Variants in TRAPPC9 observed in about 807,000 individuals in gnomAD.
TRAPPC9 encodes the protein trafficking protein particle complex subunit 9, also known as IKK2 binding protein.
Under a neutral mutation model 124.0 loss-of-function variants are expected in TRAPPC9, and 83 were observed. The observed-to-expected ratio is 0.67, with a 90% CI of 0.56 to 0.80. The LOEUF is 0.80. Among genes scored for constraint, TRAPPC9 ranks in the 30% least tolerant of loss-of-function variants. TRAPPC9 has a pLI of 0.00. For missense variants in TRAPPC9, 1,302 were observed against 1,508.3 expected, an observed-to-expected ratio of 0.86 and a Z score of 2.27; for synonymous variants, 638 against 617.5, an observed-to-expected ratio of 1.03 and a Z score of -0.49.
At chr8:140,264,636 A>C (rs1004408606) in intron 15 of TRAPPC9, among the ~76,000 whole-genome samples, 1 of 114,880 alleles carries the variant, frequency 8.7e-6, no homozygotes, top group Non-Finnish European at 1.8e-5. Context: ...GCGGAGGGGG[A>C]GGGCAGGGGA....
At chr8:140,200,050 T>G (rs2062752119) in intron 17 of TRAPPC9, among the ~76,000 whole-genome samples, 1 of 152,178 alleles carries the variant, frequency 6.6e-6, no homozygotes, top group African/African-American at 2.4e-5. Flanking sequence ...GAAAGTGCTT[T>G]ACATGCACAC....
At chr8:140,139,909 T>A (rs533269205) in intron 17 of TRAPPC9, among the ~76,000 whole-genome samples, 2 of 152,202 alleles carry the variant, frequency 1.3e-5, no homozygotes, top group Non-Finnish European at 2.9e-5. Context: ...TGTCACCTTA[T>A]GATGTGTGCA....
At chr8:140,433,479 A>G (rs989116342) in intron 4 of TRAPPC9, among the ~76,000 whole-genome samples, 5 of 152,008 alleles carry the variant, frequency 3.3e-5, no homozygotes, top group African/African-American at 1.2e-4. Context: ...AATCCCAGCT[A>G]CTCGGGAGGC....
chr8:139,866,519 C>T (rs1307188921), intron 21 of TRAPPC9, among the ~76,000 whole-genome samples: 4 of 152,036 alleles, frequency 2.6e-5, no homozygotes, highest in Admixed American at 1.3e-4. Context: ...CTTGGTGACC[C>T]GTTGAGAGCC....
intron 19 of TRAPPC9, among the ~76,000 whole-genome samples, chr8:139,936,673 C>A (rs552884328): frequency 6.6e-6 from 1 of 151,670 alleles, no homozygotes; most frequent in African/African-American, 2.4e-5. Context: ...GGGGAGCGGG[C>A]ACCACAGTGT....
At chr8:139,890,166 G>A (rs1054357662) in intron 20 of TRAPPC9, among the ~76,000 whole-genome samples, 5 of 152,256 alleles carry the variant, frequency 3.3e-5, no homozygotes, top group South Asian at 4.1e-4. Context: ...GCCAGCACAC[G>A]TGGAACCCAG....
chr8:140,251,745 G>T (rs956460071), intron 16 of TRAPPC9, among the ~76,000 whole-genome samples: 1 of 152,130 alleles, frequency 6.6e-6, no homozygotes, highest in African/African-American at 2.4e-5. Flanking sequence ...GAGTGCCCTT[G>T]TAAGAAGGGG....
intron 21 of TRAPPC9, among the ~76,000 whole-genome samples, chr8:139,780,048 T>C (rs1821689548): frequency 6.6e-6 from 1 of 152,178 alleles, no homozygotes; most frequent in Non-Finnish European, 1.5e-5. Flanking sequence ...CTATTCTATG[T>C]TCATGGGTAG....
chr8:139,884,418 A>C (rs1367337896), intron 21 of TRAPPC9, among the ~76,000 whole-genome samples: 1 of 152,122 alleles, frequency 6.6e-6, no homozygotes, highest in Admixed American at 6.5e-5. Flanking sequence ...CCTGCTGCCC[A>C]CTTCCCCACC....
chr8:140,071,004 C>A (rs1406148274), intron 17 of TRAPPC9, among the ~76,000 whole-genome samples: 1 of 152,218 alleles, frequency 6.6e-6, no homozygotes, highest in Non-Finnish European at 1.5e-5. Flanking sequence ...GCAGGACCAC[C>A]AAGCGTTAGT....
intron 9 of TRAPPC9, among the ~76,000 whole-genome samples, chr8:140,317,553 T>C (rs1449655479): frequency 6.6e-6 from 1 of 152,222 alleles, no homozygotes. Context: ...TGGATTCTCA[T>C]GGTCTCTGAA....
At chr8:140,442,471 C>T (rs1238042549) in intron 2 of TRAPPC9, among the ~76,000 whole-genome samples, 5 of 151,380 alleles carry the variant, frequency 3.3e-5, no homozygotes, top group Non-Finnish European at 4.4e-5. Context: ...TGGTGGCAGG[C>T]GCCGTAGTCC....
intron 19 of TRAPPC9, chr8:139,914,056 G>T (rs1004637153): frequency 6.6e-6 from 1 of 152,374 alleles, no homozygotes; most frequent in African/African-American, 2.4e-5. Flanking sequence ...CAAGGCCTGC[G>T]TGATGGAAGG....
intron 21 of TRAPPC9, among the ~76,000 whole-genome samples, chr8:139,739,191 A>G (rs190585343): frequency 6.6e-6 from 1 of 151,672 alleles, no homozygotes; most frequent in Non-Finnish European, 1.5e-5. Context: ...GAGTGGCTCC[A>G]CCACCGGCAG....
intron 17 of TRAPPC9, among the ~76,000 whole-genome samples, chr8:140,183,678 T>C (rs1342735608): frequency 6.6e-6 from 1 of 151,362 alleles, no homozygotes; most frequent in African/African-American, 2.4e-5. Flanking sequence ...GGCCAAATGG[T>C]GAAACGTCTC....
At position 140,092,222 on chromosome 8, in the gene TRAPPC9, C is replaced by T. The variant is rs149801070; in HGVS notation, c.2557-68143G>A. Among the ~76,000 whole-genome samples, 23 of 132,036 alleles carry T rather than the reference C, an allele frequency of 1.7e-4. No individual in the cohort carries two copies. The East Asian group carries it at 4.0e-3, about 23-fold the overall frequency. The allele number at this position is 132,036 out of a possible 152,430, so 86.6% of individuals were successfully genotyped here. On this transcript the variant is annotated intron_variant, in intron 17 of 22. Coordinates refer to ENST00000438773, the MANE Select transcript of TRAPPC9 (RefSeq NM_001160372.4). ...TTTTTCTTTTTTTTTTTTTTTGAGA[C>T]GGAGTTTTGCTGTTACCCAGGCTAG...
intron 17 of TRAPPC9, among the ~76,000 whole-genome samples, chr8:140,134,538 A>ACACGTGTGAGCCAC (rs142436139): frequency 4.7e-4 from 71 of 151,442 alleles, no homozygotes; most frequent in African/African-American, 1.7e-3. Context: ...TGCTGGGATT[A>ACACGTGTGAGCCAC]CATGGTTGGC....
At chr8:140,441,692 G>A (rs1317779142) in intron 2 of TRAPPC9, among the ~76,000 whole-genome samples, 1 of 151,996 alleles carries the variant, frequency 6.6e-6, no homozygotes, top group Non-Finnish European at 1.5e-5. Context: ...AGCCTCCCAA[G>A]TAACTGGGAC....
At chr8:139,773,466 C>T (rs994989140) in intron 21 of TRAPPC9, among the ~76,000 whole-genome samples, 3 of 152,186 alleles carry the variant, frequency 2.0e-5, no homozygotes, top group East Asian at 1.9e-4. Flanking sequence ...GCGACTGCCC[C>T]GAAGGGAAAT....
Sources: allele counts gnomAD v4.1 joint callset (sites outside exome capture counted in the v4.1 genomes callset), GRCh38; gene constraint gnomAD v4.1.1; transcripts MANE v1.5; gene names NCBI Gene and HGNC (gene_info 2026-07-23, HGNC 2026-07-21).